The following LAMC2 variants were observed in gnomAD, a reference collection of about 807,000 sequenced individuals.
LAMC2 encodes the protein laminin subunit gamma 2.
Under a neutral mutation model 140.2 loss-of-function variants are expected in LAMC2, and 97 were observed. That is an observed-to-expected ratio of 0.69 (90% CI 0.59 to 0.82). The LOEUF (loss-of-function observed/expected upper bound fraction) is 0.82. Among genes scored for constraint, LAMC2 ranks in the 40% least tolerant of loss-of-function variants. The pLI is 0.00. For missense variants in LAMC2, 1,402 were observed against 1,476.1 expected (o/e 0.95, Z 0.82); for synonymous variants, 513 against 540.2 (o/e 0.95, Z 0.70).
chr1:183,246,099 G>A (rs554932862), downstream of LAMC2, among the ~76,000 whole-genome samples: 36 of 151,952 alleles, frequency 2.4e-4, no homozygotes, highest in African/African-American at 8.7e-4. Flanking sequence ...GAACCTGGGA[G>A]GTGGAGCTTG....
At chr1:183,205,692 A>G (rs915027929) in intron 1 of LAMC2, among the ~76,000 whole-genome samples, 6 of 152,332 alleles carry the variant, frequency 3.9e-5, no homozygotes, top group Middle Eastern at 3.4e-3. Context: ...GGGAGATGCC[A>G]TAGCTATCTT....
chr1:183,217,474 TAC>T (rs1659309408), intron 3 of LAMC2, among the ~76,000 whole-genome samples: 1 of 152,160 alleles, frequency 6.6e-6, no homozygotes, highest in Non-Finnish European at 1.5e-5. Context: ...CAAAAACTTG[TAC>T]ACACACATTC....
chr1:183,222,241 GC>G (rs1168715972), intron 6 of LAMC2, 30 bp downstream of exon 6: 3 of 1,606,914 alleles, frequency 1.9e-6, no homozygotes, highest in Non-Finnish European at 2.6e-6. Flanking sequence ...TCCTATAGAG[GC>G]CAGCTTATAG....
chr1:183,211,748 C>A (rs1659076454), intron 2 of LAMC2, among the ~76,000 whole-genome samples: 1 of 152,158 alleles, frequency 6.6e-6, no homozygotes. Context: ...CTCAAGAAAT[C>A]CTCCTGCCTC....
intron 1 of LAMC2, 140 bp from the exon 2 acceptor site, chr1:183,207,741 C>T: frequency 2.6e-6 from 2 of 757,678 alleles, no homozygotes; most frequent in Non-Finnish European, 4.4e-6. Flanking sequence ...ACTCCCATAT[C>T]TTCCTCCCGC....
At chr1:183,189,296 A>G (rs1316322376) in intron 1 of LAMC2, among the ~76,000 whole-genome samples, 2 of 152,146 alleles carry the variant, frequency 1.3e-5, no homozygotes, top group African/African-American at 2.4e-5. Flanking sequence ...GAGGACTATA[A>G]AAGAAGGATC....
At chr1:183,208,957 G>A (rs932804708) in intron 2 of LAMC2, among the ~76,000 whole-genome samples, 16 of 150,986 alleles carry the variant, frequency 1.1e-4, no homozygotes, top group African/African-American at 3.7e-4. Context: ...AAGACTACAG[G>A]TGTGAGCCAC....
At chr1:183,212,835 A>C (rs1659113058) in intron 2 of LAMC2, among the ~76,000 whole-genome samples, 1 of 152,200 alleles carries the variant, frequency 6.6e-6, no homozygotes, top group Non-Finnish European at 1.5e-5. Flanking sequence ...CAGTCCAGCC[A>C]GGTGTGCACT....
chr1:183,222,105 G>A lies in LAMC2; in HGVS notation c.657G>A (p.Lys219=), dbSNP rs755090391. 7 of 1,614,168 alleles carry A rather than the reference G, an allele frequency of 4.3e-6. No individual in the cohort carries two copies. The highest frequency in any genetic ancestry group is 5.9e-6 in the Non-Finnish European group (7 of 1,180,012). Residue 219 remains lysine (K), a synonymous_variant, in exon 6 of 23, where the codon AAG becomes AAA. Transcript: ENST00000264144. The part of the protein sequence containing the change: ...STFHQDVDGW[K]AVQRNGSPAK... ...GTGTTCCAGATGTTGATGGCTGGAAGGCTGTCCAACGAAATGGGTCTCCTG... is the reference window on the plus strand; with the variant it reads ...GTGTTCCAGATGTTGATGGCTGGAAAGCTGTCCAACGAAATGGGTCTCCTG...
At chr1:183,191,876 C>A (rs2102165266) in intron 1 of LAMC2, among the ~76,000 whole-genome samples, 1 of 151,526 alleles carries the variant, frequency 6.6e-6, no homozygotes, top group South Asian at 2.1e-4. Flanking sequence ...AAAGAGAGAT[C>A]AATGTAGAAA....
rs1272639910 is a variant in LAMC2 at position 183,240,086 on chromosome 1, C to A, written c.3116C>A (p.Ala1039Asp). The change falls in exon 21 of 23, where the codon GCC becomes GAC. Residue 1039 changes from alanine (A) to aspartate (D), a missense_variant. Physicochemically the swap from Ala to Asp is moderately radical, Grantham distance 126. Coordinates refer to ENST00000264144, the MANE Select transcript of LAMC2 (RefSeq NM_005562.3). ...NLEANVTADG[A>D]LAMEKGLASL... ...GAAGCCAATGTGACAGCAGATGGAG[C>A]CTTGGCCATGGAAAAGGGACTGGCC... is the stretch of plus-strand genomic sequence containing the variant. The A allele has an allele frequency of 2.2e-5, 35 of 1,614,092 alleles. No homozygotes were observed. The highest frequency in any genetic ancestry group is 3.0e-5 in the Non-Finnish European group (35 of 1,180,024).
At position 183,240,076 on chromosome 1, in the gene LAMC2, G is replaced by T; in HGVS notation, c.3106G>T (p.Ala1036Ser). 6.2e-7 allele frequency: 1 copy of T among 1,614,186 alleles called. No homozygotes were observed. Among genetic ancestry groups the T allele is most frequent in the Non-Finnish European group, 8.5e-7 (1 of 1,180,038 alleles). The change falls in exon 21 of 23, where the codon GCA becomes TCA. Residue 1036 changes from alanine (A) to serine (S), a missense_variant. Transcript: ENST00000264144. ...GSLNLEANVT[A>S]DGALAMEKGL... ...TCTGAACTTGGAAGCCAATGTGACAGCAGATGGAGCCTTGGCCATGGAAAA... is the reference window on the plus strand; with the variant it reads ...TCTGAACTTGGAAGCCAATGTGACATCAGATGGAGCCTTGGCCATGGAAAA...
chr1:183,257,874 T>C, the LAMC2 span, among the ~76,000 whole-genome samples: 146 of 152,270 alleles, frequency 9.6e-4, 2 homozygotes, highest in East Asian at 0.02. Flanking sequence ...CTAATCTTTA[T>C]TATTTCCTTC....
At position 183,220,967 on chromosome 1, in the gene LAMC2, G is replaced by T; in HGVS notation, c.640+6G>T. 6.2e-7 allele frequency: 1 copy of T among 1,613,978 alleles called. No homozygotes were observed. Among genetic ancestry groups the T allele is most frequent in the Admixed American group, 1.7e-5 (1 of 60,014 alleles). ...CACCTCTACCTTTCATCAAGGTAAAGCCTTCTATTTTCTAGGTTTTAGTTT... is the reference window on the plus strand; with the variant it reads ...CACCTCTACCTTTCATCAAGGTAAATCCTTCTATTTTCTAGGTTTTAGTTT... On this transcript the variant is annotated splice_donor_region_variant and intron_variant, in intron 5 of 22. Transcript: ENST00000264144.
At chr1:183,258,922 T>C in the LAMC2 span, among the ~76,000 whole-genome samples, 1 of 152,170 alleles carries the variant, frequency 6.6e-6, no homozygotes, top group East Asian at 1.9e-4. Context: ...GCTCCCGAAA[T>C]GCTCAGGGAG....
At position 183,207,337 on chromosome 1, in the gene LAMC2, G is replaced by A. The variant is rs117522020; in HGVS notation, c.80-544G>A. On this transcript the variant is annotated intron_variant, in intron 1 of 22. Coordinates refer to ENST00000264144, the MANE Select transcript of LAMC2 (RefSeq NM_005562.3). ...TACTTGAGAAAGGTCATTCTTCATGGGACACTTGGCTTTGGGAGGAGACAT... is the reference window on the plus strand; with the variant it reads ...TACTTGAGAAAGGTCATTCTTCATGAGACACTTGGCTTTGGGAGGAGACAT... Among the ~76,000 whole-genome samples the A allele has an allele frequency of 2.0e-5, 3 of 152,216 alleles. No homozygotes were observed. In the East Asian group the frequency reaches 5.8e-4, roughly 29 times the overall value.
Position 183,228,396 on chromosome 1 carries a change from T to C in LAMC2, c.1491T>C (p.Ala497=). The C allele has an allele frequency of 6.2e-7, 1 of 1,614,164 alleles. No homozygotes were observed. Among genetic ancestry groups the C allele is most frequent in the Non-Finnish European group, 8.5e-7 (1 of 1,180,026 alleles). The change falls in exon 11 of 23, where the codon GCT becomes GCC. Residue 497 remains alanine, a synonymous_variant. Transcript: ENST00000264144. The surrounding 1 kb of genome is among the most constrained non-coding windows in gnomAD (Gnocchi z 4.3). ...GVTGARCELC[A]DGYFGDPFGE... is the part of the protein sequence containing the mutation. ...CAGGTGCCCGCTGTGAGCTCTGTGC[T>C]GATGGCTACTTTGGGGACCCCTTTG...
chr1:183,192,525 A>T (rs1399790233), intron 1 of LAMC2, among the ~76,000 whole-genome samples: 1 of 152,144 alleles, frequency 6.6e-6, no homozygotes, highest in Non-Finnish European at 1.5e-5. Flanking sequence ...AATGACACCC[A>T]GTGAGGTAAA....
chr1:183,248,891 AGTG>A (rs1422040930), downstream of LAMC2: 2 of 142,644 alleles, frequency 1.4e-5, no homozygotes, highest in African/African-American at 5.2e-5. Context: ...CCCCTAAAAG[AGTG>A]TGTGTGTGTG....
Sources: allele counts gnomAD v4.1 joint callset (sites outside exome capture counted in the v4.1 genomes callset), GRCh38; gene constraint gnomAD v4.1.1; non-coding constraint Gnocchi (gnomAD v3.1); transcripts MANE v1.5; gene names NCBI Gene and HGNC (gene_info 2026-07-23, HGNC 2026-07-21).